REEP5: variants seen among roughly 807,000 people sequenced by gnomAD.
REEP5 encodes the protein receptor expression-enhancing protein 5.
A neutral mutation model predicts 22.4 loss-of-function variants in REEP5; 24 were observed. The ratio of observed to expected loss-of-function variants is 1.07; its 90% confidence interval spans 0.78 to 1.51. The LOEUF is 1.51. REEP5 is among the 40% of genes most tolerant of loss of function. The pLI, the probability that REEP5 is intolerant of heterozygous loss-of-function variation, is 0.00. For missense variants in REEP5, 252 were observed against 233.0 expected (o/e 1.08, Z -0.53); for synonymous variants, 103 against 88.6 (o/e 1.16, Z -0.92).
chr5:112,903,489 C>T (rs1483398751), intron 2 of REEP5, among the ~76,000 whole-genome samples: 1 of 152,168 alleles, frequency 6.6e-6, no homozygotes, highest in African/African-American at 2.4e-5. Context: ...GTGTACCCTG[C>T]TCAGTTGATG....
Position 112,902,517 on chromosome 5 carries a change from T to C in REEP5, c.214A>G (p.Ile72Val). The change falls in exon 3 of 5, where the codon ATT (isoleucine) becomes GTT (valine). Residue 72 changes from isoleucine to valine, a missense_variant and splice_region_variant. Physicochemically the swap from Ile to Val is conservative, Grantham distance 29 (BLOSUM62 3). Coordinates refer to ENST00000379638, the MANE Select transcript of REEP5 (RefSeq NM_005669.5). ...TTGTTGGGACTCTCTATAGCTTTAA[T>C]TCTGAAAGGCAGTACAAAAGAAAGT... ...IGFGYPAYIS[I>V]KAIESPNKED... 1 of 1,582,330 alleles carries C rather than the reference T, an allele frequency of 6.3e-7. No homozygotes were observed. The highest frequency in any genetic ancestry group is 8.5e-7 in the Non-Finnish European group (1 of 1,169,844).
intron 2 of REEP5, among the ~76,000 whole-genome samples, chr5:112,919,038 C>T (rs1241894606): frequency 6.6e-6 from 1 of 152,228 alleles, no homozygotes; most frequent in Non-Finnish European, 1.5e-5. Flanking sequence ...CAGTGCCACA[C>T]ATGTGACTGG....
chr5:112,892,390 G>T, intron 3 of REEP5: 2 of 1,614,072 alleles, frequency 1.2e-6, no homozygotes, highest in Admixed American at 1.7e-5. Context: ...TGTGTTGCCC[G>T]AGTTCAAGAA....
chr5:112,905,985 A>G (rs887158742), intron 2 of REEP5, among the ~76,000 whole-genome samples: 5 of 152,186 alleles, frequency 3.3e-5, no homozygotes, highest in African/African-American at 1.2e-4. Context: ...TGATTCTCCA[A>G]CAAAACACTC....
chr5:112,887,589 G>A (rs1768298872), intron 3 of REEP5, among the ~76,000 whole-genome samples: 1 of 152,082 alleles, frequency 6.6e-6, no homozygotes, highest in Admixed American at 6.6e-5. Flanking sequence ...GTGCTTGGTA[G>A]GCTTATCTTG....
chr5:112,877,294 A>G lies in REEP5; in HGVS notation c.*1492T>C, dbSNP rs552121438. The G allele has an allele frequency of 6.6e-5, 10 of 152,276 alleles. No homozygotes were observed. In the East Asian group the frequency reaches 1.3e-3, roughly 21 times the overall value. 9.4% of individuals were successfully genotyped at this position (152,276 alleles called of 1,614,324 possible). A position where few individuals can be genotyped will look rare whatever the true frequency, so the allele number is the denominator to read the frequency against. On this transcript the variant is annotated 3_prime_UTR_variant, in exon 5 of 5. Transcript: ENST00000379638. ...CTGATTGTTATCTCAAGGTGAGCTA[A>G]TCATCTTTATTTGCCTTAAAAAATA... is the stretch of plus-strand genomic sequence containing the variant.
chr5:112,900,777 C>T (rs1176971876), intron 3 of REEP5, among the ~76,000 whole-genome samples: 2 of 151,890 alleles, frequency 1.3e-5, no homozygotes, highest in Non-Finnish European at 2.9e-5. Context: ...GATGGGATAG[C>T]TGATACTCAT....
intron 2 of REEP5, among the ~76,000 whole-genome samples, chr5:112,904,710 A>G (rs527823263): frequency 3.2e-4 from 49 of 152,326 alleles, no homozygotes; most frequent in African/African-American, 1.1e-3. Flanking sequence ...ACTTAAATAG[A>G]TATTTCCTGA....
At chr5:112,883,087 TC>T (rs1768127235) in intron 4 of REEP5, among the ~76,000 whole-genome samples, 1 of 152,212 alleles carries the variant, frequency 6.6e-6, no homozygotes, top group Non-Finnish European at 1.5e-5. Context: ...GTTGAATTAT[TC>T]CCATTAATTT....
At position 112,892,432 on chromosome 5, in the gene REEP5, T is replaced by C. The variant is rs772142381; in HGVS notation, c.352-5249A>G. 1.9e-6 allele frequency: 3 copies of C among 1,614,144 alleles called. No homozygotes were observed. The Admixed American group carries it at 5.0e-5, about 27-fold the overall frequency. On this transcript the variant is annotated intron_variant, in intron 3 of 4. Transcript: ENST00000379638. Reference sequence around the variant, plus strand: ...GAAAGTGATTCAGTTCAAGGTCAGCTGCAATTTGGAACCTCACCTGAGGGG... The same window carrying C: ...GAAAGTGATTCAGTTCAAGGTCAGCCGCAATTTGGAACCTCACCTGAGGGG...
chr5:112,916,548 A>G (rs1181349907), intron 2 of REEP5, among the ~76,000 whole-genome samples: 2 of 152,256 alleles, frequency 1.3e-5, no homozygotes, highest in African/African-American at 4.8e-5. Flanking sequence ...GTGCAGATAT[A>G]TGATTTGGGA....
At chr5:112,921,813 G>A (rs1769378735) in intron 1 of REEP5, 1 of 360,348 alleles carries the variant, frequency 2.8e-6, no homozygotes, top group Non-Finnish European at 5.1e-6. Context: ...GCAGACATAC[G>A]TCAGCGCTGG....
At chr5:112,880,144 C>CT (rs1257626308) in intron 4 of REEP5, among the ~76,000 whole-genome samples, 1 of 152,066 alleles carries the variant, frequency 6.6e-6, no homozygotes, top group East Asian at 1.9e-4. Flanking sequence ...GGTGTGGTGG[C>CT]TCATGTCTAT....
At position 112,918,693 on chromosome 5, in the gene REEP5, C is replaced by A. The variant is rs1242558451; in HGVS notation, c.212+2470G>T. Among the ~76,000 whole-genome samples the A allele has an allele frequency of 7.2e-5, 11 of 152,312 alleles. No individual in the cohort carries two copies. In the South Asian group the frequency reaches 8.3e-4, roughly 11 times the overall value. Reference sequence around the variant, plus strand: ...CCAAGGCAATCAGAAAATGCAAACTCCCTACCACCATCTGGAATGAAATGC... The same window carrying A: ...CCAAGGCAATCAGAAAATGCAAACTACCTACCACCATCTGGAATGAAATGC... On this transcript the variant is annotated intron_variant, in intron 2 of 4. Transcript: ENST00000379638.
chr5:112,910,098 T>C (rs1333829974), intron 2 of REEP5, among the ~76,000 whole-genome samples: 1 of 151,534 alleles, frequency 6.6e-6, no homozygotes, highest in East Asian at 1.9e-4. Context: ...AGGTCAGGAG[T>C]TCAAGGCCAG....
chr5:112,907,927 G>C (rs979990210), intron 2 of REEP5, among the ~76,000 whole-genome samples: 1 of 151,952 alleles, frequency 6.6e-6, no homozygotes, highest in Non-Finnish European at 1.5e-5. Context: ...GACCAAGAAT[G>C]ATATCCAGAA....
intron 2 of REEP5, among the ~76,000 whole-genome samples, chr5:112,913,370 G>C (rs1769152251): frequency 1.0e-5 from 1 of 97,058 alleles, no homozygotes; most frequent in South Asian, 2.7e-4. Flanking sequence ...AGGAAAGAAA[G>C]AAGAAAGAAA....
intron 4 of REEP5, among the ~76,000 whole-genome samples, chr5:112,883,019 G>C (rs1047792474): frequency 6.6e-6 from 1 of 152,154 alleles, no homozygotes; most frequent in Non-Finnish European, 1.5e-5. Flanking sequence ...ATCCTTCACT[G>C]GTCAAGGACA....
At chr5:112,884,467 A>AC (rs1298095881) in intron 4 of REEP5, among the ~76,000 whole-genome samples, 1 of 150,312 alleles carries the variant, frequency 6.7e-6, no homozygotes, top group Non-Finnish European at 1.5e-5. Context: ...AGCCTTGATT[A>AC]CCTGGGCCCA....
Sources: allele counts gnomAD v4.1 joint callset (sites outside exome capture counted in the v4.1 genomes callset), GRCh38; gene constraint gnomAD v4.1.1; transcripts MANE v1.5; gene names NCBI Gene and HGNC (gene_info 2026-07-23, HGNC 2026-07-21).